The following TMEM131L variants were observed in gnomAD, a reference collection of about 807,000 sequenced individuals.
The protein encoded by TMEM131L is transmembrane 131 like.
TMEM131L carries 54 observed loss-of-function variants against 192.2 expected under a neutral mutation model. That is an observed-to-expected ratio of 0.28 (90% CI 0.23 to 0.35). TMEM131L has a LOEUF of 0.35. TMEM131L is among the 10% of genes least tolerant of loss of function. TMEM131L has a pLI of 1.00. For missense variants in TMEM131L, 1,888 were observed against 1,972.9 expected (o/e 0.96, Z 0.82); for synonymous variants, 701 against 704.9 (o/e 0.99, Z 0.09).
chr4:153,500,550 C>A (rs959330331), intron 3 of TMEM131L, among the ~76,000 whole-genome samples: 1 of 152,172 alleles, frequency 6.6e-6, no homozygotes, highest in African/African-American at 2.4e-5. Flanking sequence ...ATTAGCACTT[C>A]TAGTAGCAGT....
At chr4:153,467,156 A>G in intron 1 of TMEM131L, 55 bp from the exon 2 acceptor site, 1 of 1,505,274 alleles carries the variant, frequency 6.6e-7, no homozygotes, top group African/African-American at 1.4e-5. Context: ...GGGAAACAGG[A>G]AGCGTTTCTT....
intron 3 of TMEM131L, among the ~76,000 whole-genome samples, chr4:153,500,076 C>A (rs1016268620): frequency 1.3e-5 from 2 of 152,012 alleles, no homozygotes; most frequent in Non-Finnish European, 2.9e-5. Context: ...CCGTTCCCTT[C>A]CCTCTGTCCC....
chr4:153,487,693 CGTGTGTGT>C (rs140651689), intron 3 of TMEM131L, among the ~76,000 whole-genome samples: 9 of 142,020 alleles, frequency 6.3e-5, no homozygotes, highest in Admixed American at 1.4e-4. Flanking sequence ...GCTGCACAGG[CGTGTGTGT>C]GTGTGTGTGT....
intron 2 of TMEM131L, among the ~76,000 whole-genome samples, chr4:153,471,028 C>T (rs1731123174): frequency 6.6e-6 from 1 of 151,156 alleles, no homozygotes; most frequent in Non-Finnish European, 1.5e-5. Context: ...GCTCTTGTCG[C>T]CTAGGCTGGA....
At chr4:153,481,947 A>G (rs971946313) in intron 3 of TMEM131L, among the ~76,000 whole-genome samples, 7 of 152,136 alleles carry the variant, frequency 4.6e-5, no homozygotes, top group African/African-American at 1.2e-4. Flanking sequence ...CCCAGGTTCA[A>G]GGGTTTCTCC....
At chr4:153,488,015 A>G (rs941480253) in intron 3 of TMEM131L, among the ~76,000 whole-genome samples, 1 of 137,626 alleles carries the variant, frequency 7.3e-6, no homozygotes, top group Admixed American at 7.3e-5. Flanking sequence ...GACAAGAGAG[A>G]CTCTTGTGAG....
At chr4:153,482,513 A>G (rs188824583) in intron 3 of TMEM131L, among the ~76,000 whole-genome samples, 36 of 152,318 alleles carry the variant, frequency 2.4e-4, no homozygotes, top group African/African-American at 7.7e-4. Context: ...CCTTCAGTTG[A>G]AATAAATCAG....
In TMEM131L at chr4:153,602,672, G is replaced by T. The variant is rs778866922; in HGVS notation, c.2584G>T (p.Val862Phe). 2 of 1,613,688 alleles carry T rather than the reference G, an allele frequency of 1.2e-6. No homozygotes were observed. The highest frequency in any genetic ancestry group is 2.7e-5 in the African/African-American group (2 of 74,810). The change falls in exon 23 of 35, where the codon GTT becomes TTT. Residue 862 changes from valine (V) to phenylalanine (F), a missense_variant. Physicochemically the swap from Val to Phe is conservative, Grantham distance 50. Transcript: ENST00000409959. ...HHLLPLCADV[V>F]PGPSWEESFW... The stretch of plus-strand genomic sequence containing the variant: ...CCTGTTGCCCTTGTGTGCAGACGTG[G>T]TTCCAGGACCCAGCTGGGAGGAGTC...
At chr4:153,495,329 A>C (rs7692557) in intron 3 of TMEM131L, among the ~76,000 whole-genome samples, 49,292 of 151,796 alleles carry the variant, frequency 0.32, 8,591 homozygotes, top group Middle Eastern at 0.42. Flanking sequence ...GAAAACAAAA[A>C]AAAAAAACAA....
At chr4:153,558,219 A>C (rs766505161) in intron 6 of TMEM131L, 39 bp from the exon 7 acceptor site, 7 of 1,141,248 alleles carry the variant, frequency 6.1e-6, no homozygotes, top group Non-Finnish European at 9.2e-6. Flanking sequence ...GTGTTTTAAA[A>C]CTCTTAACAG....
chr4:153,632,827 G>A lies in TMEM131L; in HGVS notation c.4317G>A (p.Pro1439=), dbSNP rs763701618. 9.9e-6 allele frequency: 16 copies of A among 1,613,978 alleles called. No individual in the cohort carries two copies. The highest frequency in any genetic ancestry group is 1.6e-4 in the Middle Eastern group (1 of 6,084). Residue 1439 remains proline, a synonymous_variant, in exon 32 of 35, where the codon CCG becomes CCA. Transcript: ENST00000409959. The part of the protein sequence containing the change: ...GVPCVIQESA[P]VHNSFIDWSA... ...CTTGTGTGATTCAGGAGTCGGCCCCGGTTCATAATAGGTACAGCTTCACTT... is the reference window on the plus strand; with the variant it reads ...CTTGTGTGATTCAGGAGTCGGCCCCAGTTCATAATAGGTACAGCTTCACTT...
intron 3 of TMEM131L, among the ~76,000 whole-genome samples, chr4:153,535,260 T>C (rs977496974): frequency 1.3e-5 from 2 of 152,092 alleles, no homozygotes; most frequent in African/African-American, 2.4e-5. Context: ...GAGATGGCTG[T>C]GGGCAGTTGG....
In TMEM131L at chr4:153,585,496, T is replaced by C. The variant is rs1372456826; in HGVS notation, c.1196T>C (p.Ile399Thr). The stretch of plus-strand genomic sequence containing the variant: ...GACTCTTCTGCAACCCAGTTTCACA[T>C]AGAGACTCATGAGAACACATCAGGA... Reference protein sequence around the residue: ...RMDSSATQFHIETHENTSGLW... With the variant: ...RMDSSATQFHTETHENTSGLW... Residue 399 changes from isoleucine (I) to threonine (T), a missense_variant, in exon 13 of 35, where the codon ATA (isoleucine) becomes ACA (threonine). Coordinates refer to ENST00000409959, the MANE Select transcript of TMEM131L (RefSeq NM_001131007.2). 1 of 1,614,126 alleles carries C rather than the reference T, an allele frequency of 6.2e-7. No homozygotes were observed. The highest frequency in any genetic ancestry group is 1.7e-5 in the Admixed American group (1 of 60,028).
At chr4:153,630,424 T>A (rs761593358) in intron 31 of TMEM131L, among the ~76,000 whole-genome samples, 27 of 152,346 alleles carry the variant, frequency 1.8e-4, no homozygotes, top group Non-Finnish European at 1.9e-4. Context: ...TGGCTTTCTC[T>A]TTAAGTTTCT....
At chr4:153,504,687 C>A (rs1733868871) in intron 3 of TMEM131L, among the ~76,000 whole-genome samples, 2 of 152,022 alleles carry the variant, frequency 1.3e-5, no homozygotes, top group African/African-American at 2.4e-5. Context: ...TTTTCACTTA[C>A]CCTGTAGAAT....
In TMEM131L at chr4:153,550,568, C is replaced by T. The variant is rs559654410; in HGVS notation, c.308+427C>T. On this transcript the variant is annotated intron_variant, in intron 4 of 34. Coordinates refer to ENST00000409959, the MANE Select transcript of TMEM131L (RefSeq NM_001131007.2). ...GTCTTGATCTCCTGACTTCGTGATC[C>T]GCCCGCCTCGGCCTCCCAAAGTGCT... Among the ~76,000 whole-genome samples, 12 of 152,264 alleles carry T rather than the reference C, an allele frequency of 7.9e-5. No individual in the cohort carries two copies. In the South Asian group the frequency reaches 8.3e-4, roughly 11 times the overall value.
chr4:153,532,717 C>T (rs1029430676), intron 3 of TMEM131L, among the ~76,000 whole-genome samples: 4 of 151,824 alleles, frequency 2.6e-5, no homozygotes, highest in Admixed American at 1.3e-4. Flanking sequence ...TACTGTTTCT[C>T]GGAAAGCATT....
intron 17 of TMEM131L, among the ~76,000 whole-genome samples, chr4:153,592,046 T>C (rs74478794): frequency 0.011 from 1,731 of 152,312 alleles, 16 homozygotes; most frequent in Middle Eastern, 0.027. Context: ...CGAGGGCTTT[T>C]TTCTGAACCA....
At chr4:153,570,486 A>C (rs1729514121) in intron 7 of TMEM131L, among the ~76,000 whole-genome samples, 1 of 152,108 alleles carries the variant, frequency 6.6e-6, no homozygotes, top group East Asian at 1.9e-4. Context: ...TGTGCATACC[A>C]CTGCTCTACT....
Sources: gnomAD v4.1 joint callset for allele counts (sites outside exome capture counted in the v4.1 genomes callset) on GRCh38, gnomAD v4.1.1 for gene constraint, MANE v1.5 for transcripts, NCBI Gene and HGNC (gene_info 2026-07-23, HGNC 2026-07-21) for gene names.